ARAP2: variants seen among roughly 807,000 people sequenced by gnomAD.
ARAP2 encodes the protein arf-GAP with Rho-GAP domain, ANK repeat and PH domain-containing protein 2.
ARAP2 carries 148 observed loss-of-function variants against 194.5 expected under a neutral mutation model. The observed-to-expected ratio is 0.76, with a 90% confidence interval of 0.67 to 0.87. ARAP2 has a LOEUF of 0.87. Among genes scored for constraint, ARAP2 ranks in the 40% least tolerant of loss-of-function variants. ARAP2 has a pLI of 0.00. For missense variants in ARAP2, 2,128 were observed against 1,989.7 expected (o/e 1.07, Z -1.32); for synonymous variants, 695 against 683.5 (o/e 1.02, Z -0.26).
At chr4:36,238,945 AAAC>A (rs2109373372) in intron 1 of ARAP2, among the ~76,000 whole-genome samples, 1 of 152,298 alleles carries the variant, frequency 6.6e-6, no homozygotes, top group African/African-American at 2.4e-5. Context: ...TAAAAAACAA[AAAC>A]AAAAACAAAA....
intron 5 of ARAP2, among the ~76,000 whole-genome samples, chr4:36,042,906 G>C (rs1322274125): frequency 6.7e-6 from 1 of 150,242 alleles, no homozygotes; most frequent in Non-Finnish European, 1.5e-5. Flanking sequence ...GCAATGGCAC[G>C]ATCTTGGCTC....
chr4:36,072,118 T>A (rs977114748), intron 32 of ARAP2, among the ~76,000 whole-genome samples: 6 of 152,204 alleles, frequency 3.9e-5, no homozygotes, highest in South Asian at 2.1e-4. Context: ...TTTAAAAAAA[T>A]TTCTATTATT....
At chr4:36,156,047 T>G (rs2109751757) in intron 15 of ARAP2, among the ~76,000 whole-genome samples, 1 of 152,088 alleles carries the variant, frequency 6.6e-6, no homozygotes, top group South Asian at 2.1e-4. Context: ...ATTGAGAGGC[T>G]GAGACAGGCA....
chr4:36,031,055 G>A (rs973124926), intron 5 of ARAP2, among the ~76,000 whole-genome samples: 8 of 152,122 alleles, frequency 5.3e-5, no homozygotes, highest in Admixed American at 4.6e-4. Flanking sequence ...CCTTGAACCT[G>A]GGAGGTGGAG....
intron 5 of ARAP2, among the ~76,000 whole-genome samples, chr4:36,030,797 G>GTTTT (rs34777330): frequency 6.2e-5 from 1 of 16,082 alleles, no homozygotes; most frequent in African/African-American, 1.0e-4. Flanking sequence ...CATTGTCTAC[G>GTTTT]TTTTTTTTTT....
In ARAP2 at chr4:36,228,755, T is replaced by C. The variant is rs760180608; in HGVS notation, c.732A>G (p.Pro244=). Residue 244 remains proline (P), a synonymous_variant, in exon 2 of 33, where the codon CCA becomes CCG. Coordinates refer to ENST00000303965, the MANE Select transcript of ARAP2 (RefSeq NM_015230.4). The part of the protein sequence containing the change: ...NGLLEGSPPS[P]FFKFQGEMIV... ...TCATTTCTCCTTGAAACTTAAAGAA[T>C]GGGGATGGTGGTGATCCTTCTAATA... 1.7e-5 allele frequency: 27 copies of C among 1,613,966 alleles called. No homozygotes were observed. Among genetic ancestry groups the C allele is most frequent in the Admixed American group, 6.7e-5 (4 of 59,988 alleles).
chr4:36,116,693 C>T (rs1014821201), intron 25 of ARAP2, among the ~76,000 whole-genome samples: 1 of 151,790 alleles, frequency 6.6e-6, no homozygotes, highest in African/African-American at 2.4e-5. Flanking sequence ...ATTGAATCCT[C>T]ACATCAATGC....
intron 31 of ARAP2, among the ~76,000 whole-genome samples, chr4:36,075,046 T>C (rs1222343009): frequency 6.6e-6 from 1 of 152,130 alleles, no homozygotes; most frequent in African/African-American, 2.4e-5. Context: ...TGGAAAGTTA[T>C]AGCTTCACAT....
chr4:36,034,248 A>G (rs13117714), intron 5 of ARAP2, among the ~76,000 whole-genome samples: 111,589 of 151,692 alleles, frequency 0.74, 41,992 homozygotes, highest in Admixed American at 0.85. Flanking sequence ...TGGTCATTTG[A>G]ATGATATTGA....
chr4:36,043,845 G>GAAGGGAA (rs1560311674), intron 5 of ARAP2, among the ~76,000 whole-genome samples: 50 of 35,920 alleles, frequency 1.4e-3, no homozygotes, highest in Middle Eastern at 0.016. Context: ...GGAGGGGAGG[G>GAAGGGAA]GGGAGGGGAG....
chr4:36,139,960 G>C (rs886877259), intron 19 of ARAP2, among the ~76,000 whole-genome samples: 5 of 151,380 alleles, frequency 3.3e-5, no homozygotes, highest in Non-Finnish European at 5.9e-5. Context: ...AGCACTCAAG[G>C]TTAAGGCCAA....
rs769298909 is a variant in ARAP2, at chr4:36,147,622, G to A, written c.3125C>T (p.Ser1042Phe). The A allele has an allele frequency of 2.5e-6, 4 of 1,613,590 alleles. No homozygotes were observed. The South Asian group carries it at 3.3e-5, about 13-fold the overall frequency. ...CATTTGAAGGCAAAAATGCAAGCTG[G>A]ATTTGTCCATAGCAAACCAGCCTTT... ...WRKGWFAMDK[S>F]SLHFCLQMQE... The change falls in exon 18 of 33, where the codon TCC becomes TTC. Residue 1042 changes from serine (S) to phenylalanine (F), a missense_variant. By Grantham distance (155) the Ser-to-Phe change is radical. Coordinates refer to ENST00000303965, the MANE Select transcript of ARAP2 (RefSeq NM_015230.4).
At chr4:36,217,515 C>A (rs768901346) in intron 2 of ARAP2, among the ~76,000 whole-genome samples, 1 of 151,318 alleles carries the variant, frequency 6.6e-6, no homozygotes, top group Non-Finnish European at 1.5e-5. Context: ...AGGGAGACAG[C>A]GTCTCAAAAA....
intron 11 of ARAP2, among the ~76,000 whole-genome samples, chr4:36,161,952 C>CA (rs1734124313): frequency 1.3e-5 from 2 of 151,784 alleles, no homozygotes; most frequent in South Asian, 4.2e-4. Context: ...ACTAAAAATA[C>CA]AAAAAATTAG....
chr4:36,038,063 CAG>C (rs906327246), intron 5 of ARAP2, among the ~76,000 whole-genome samples: 2 of 152,162 alleles, frequency 1.3e-5, no homozygotes, highest in African/African-American at 4.8e-5. Flanking sequence ...CTGGGTTCTG[CAG>C]AGTCTAACCA....
intron 27 of ARAP2, among the ~76,000 whole-genome samples, chr4:36,092,920 G>A (rs1253092620): frequency 6.6e-6 from 1 of 152,078 alleles, no homozygotes; most frequent in Non-Finnish European, 1.5e-5. Context: ...TGTGAAACAG[G>A]CAAGGGTAAG....
chr4:36,165,075 A>G lies in ARAP2; in HGVS notation c.2012T>C (p.Ile671Thr), dbSNP rs1478165804. ...AETEKEKQDW[I>T]EAVQQSIAET... ...TGCTATTGATTGCTGCACAGCTTCA[A>G]TCCAGTCTTGTTTCTCCTTTTCAGT... The change falls in exon 11 of 33, where the codon ATT becomes ACT. Residue 671 changes from isoleucine to threonine, a missense_variant. Ile to Thr is a moderately conservative substitution (Grantham distance 89). Coordinates refer to ENST00000303965, the MANE Select transcript of ARAP2 (RefSeq NM_015230.4). 8.7e-6 allele frequency: 14 copies of G among 1,613,940 alleles called. No homozygotes were observed. Among genetic ancestry groups the G allele is most frequent in the Admixed American group, 3.3e-5 (2 of 59,994 alleles).
chr4:36,123,349 T>G (rs1723118118), intron 22 of ARAP2, among the ~76,000 whole-genome samples: 2 of 151,776 alleles, frequency 1.3e-5, no homozygotes, highest in Non-Finnish European at 2.9e-5. Flanking sequence ...CTAAATCAAC[T>G]TGTCCTCATC....
At chr4:36,170,658 C>G (rs1736403886) in intron 9 of ARAP2, among the ~76,000 whole-genome samples, 1 of 152,108 alleles carries the variant, frequency 6.6e-6, no homozygotes, top group South Asian at 2.1e-4. Flanking sequence ...AGAGTGGACT[C>G]TATAATTGGT....
Sources: gnomAD v4.1 joint callset for allele counts (sites outside exome capture counted in the v4.1 genomes callset) on GRCh38, gnomAD v4.1.1 for gene constraint, MANE v1.5 for transcripts, NCBI Gene and HGNC (gene_info 2026-07-23, HGNC 2026-07-21) for gene names.